C6: variants seen among roughly 807,000 people sequenced by gnomAD.
C6 encodes the protein complement C6.
C6 carries 101 observed loss-of-function variants against 112.9 expected under a neutral mutation model. The ratio of observed to expected loss-of-function variants is 0.89; its 90% CI spans 0.76 to 1.06. C6 has a LOEUF of 1.06. Ranked by LOEUF, C6 falls within the 50% of genes least tolerant of loss-of-function variation. The pLI is 0.00. For missense variants in C6, 1,202 were observed against 1,104.6 expected (o/e 1.09, Z -1.25); for synonymous variants, 431 against 384.1 (o/e 1.12, Z -1.43).
At chr5:41,159,962 A>G (rs186592722) in intron 11 of C6, among the ~76,000 whole-genome samples, 180 bp downstream of exon 11, 54 of 152,280 alleles carry the variant, frequency 3.5e-4, no homozygotes, top group Non-Finnish European at 7.3e-4. Context: ...TAACTTTCCC[A>G]AGCTCACATA....
chr5:41,164,547 G>A (rs77785951), intron 9 of C6, among the ~76,000 whole-genome samples: 2,240 of 152,242 alleles, frequency 0.015, 26 homozygotes, highest in Non-Finnish European at 0.024. Flanking sequence ...CATTCTTCAG[G>A]TTTAGAAACA....
At chr5:41,254,091 T>A (rs1026900644) in intron 1 of C6, among the ~76,000 whole-genome samples, 2 of 152,022 alleles carry the variant, frequency 1.3e-5, no homozygotes, top group Admixed American at 6.6e-5. Context: ...TAGGAAAAAA[T>A]TATTACATAG....
At chr5:41,146,284 C>G (rs1171717379) in intron 17 of C6, among the ~76,000 whole-genome samples, 10 of 151,988 alleles carry the variant, frequency 6.6e-5, no homozygotes, top group African/African-American at 2.4e-4. Context: ...TGAAAGGTGA[C>G]CTTCATATTA....
intron 1 of C6, among the ~76,000 whole-genome samples, chr5:41,225,337 G>A (rs181756581): frequency 6.6e-6 from 1 of 151,366 alleles, no homozygotes; most frequent in Non-Finnish European, 1.5e-5. Context: ...TTGTCCTTGC[G>A]ATAGTTTGCT....
At chr5:41,157,208 A>G (rs1746997625) in intron 13 of C6, among the ~76,000 whole-genome samples, 1 of 152,236 alleles carries the variant, frequency 6.6e-6, no homozygotes, top group Non-Finnish European at 1.5e-5. Context: ...GAATTTATCC[A>G]TGAAAATGGG....
upstream of C6, among the ~76,000 whole-genome samples, chr5:41,215,156 A>G (rs1446199743): frequency 6.6e-6 from 1 of 152,126 alleles, no homozygotes; most frequent in Non-Finnish European, 1.5e-5. Context: ...AACGTTTTAT[A>G]GGAATAAAGT....
At position 41,200,891 on chromosome 5, in the gene C6, G is replaced by GTTTTTTTTT. The variant is rs143443464; in HGVS notation, c.300+658_300+666dup. Among the ~76,000 whole-genome samples, 241 of 70,636 alleles carry GTTTTTTTTT rather than the reference G, an allele frequency of 3.4e-3. 22 individuals are homozygous for GTTTTTTTTT. Among genetic ancestry groups the GTTTTTTTTT allele is most frequent in the African/African-American group, 4.8e-3 (74 of 15,462 alleles). 46.3% of individuals were successfully genotyped at this position (70,636 alleles called of 152,430 possible). A position where few individuals can be genotyped will look rare whatever the true frequency, so the allele number is the denominator to read the frequency against. On this transcript the variant is annotated intron_variant, in intron 3 of 17. Coordinates refer to ENST00000337836, the MANE Select transcript of C6 (RefSeq NM_000065.5). ...TGTTTTTGTTGTTGTTGTTGTTGTT[G>GTTTTTTTTT]TTTTTTTTTTTTTTTTTTTTTTTTT...
chr5:41,172,321 A>G lies in C6; in HGVS notation c.1195T>C (p.Cys399Arg). ...CGTTTCTTTGTTTCAATCCTGACACAGTGTTTGGCTTCTTCCTCGGTTAAA... is the reference window on the plus strand; with the variant it reads ...CGTTTCTTTGTTTCAATCCTGACACGGTGTTTGGCTTCTTCCTCGGTTAAA... ...SGLTEEEAKH[C>R]VRIETKKRVL... Residue 399 changes from cysteine (C) to arginine (R), a missense_variant, in exon 9 of 18, where the codon TGT becomes CGT. Transcript: ENST00000337836. 1 of 1,613,660 alleles carries G rather than the reference A, an allele frequency of 6.2e-7. No homozygotes were observed. The highest frequency in any genetic ancestry group is 1.3e-5 in the African/African-American group (1 of 75,034).
chr5:41,252,347 G>T (rs1561207580), intron 1 of C6, among the ~76,000 whole-genome samples: 1 of 152,120 alleles, frequency 6.6e-6, no homozygotes, highest in Non-Finnish European at 1.5e-5. Context: ...AGAAAAATTA[G>T]TTCAGGCCTT....
intron 8 of C6, among the ~76,000 whole-genome samples, chr5:41,175,044 C>T (rs538369424): frequency 3.9e-5 from 6 of 152,234 alleles, no homozygotes; most frequent in African/African-American, 1.2e-4. Context: ...TTACTGAGAG[C>T]TTGTTTGGAG....
intron 7 of C6, among the ~76,000 whole-genome samples, chr5:41,177,903 G>A (rs1481775503): frequency 1.3e-5 from 2 of 152,128 alleles, no homozygotes; most frequent in South Asian, 2.1e-4. Context: ...CTTGAATTTT[G>A]TCAGAGAACC....
At chr5:41,181,095 A>C (rs902561426) in intron 7 of C6, among the ~76,000 whole-genome samples, 1 of 152,032 alleles carries the variant, frequency 6.6e-6, no homozygotes, top group Non-Finnish European at 1.5e-5. Flanking sequence ...GTTTATAAGA[A>C]GCACACCTAC....
chr5:41,190,901 CAGTT>C (rs1056905681), intron 5 of C6, among the ~76,000 whole-genome samples: 2 of 152,026 alleles, frequency 1.3e-5, no homozygotes, highest in Non-Finnish European at 2.9e-5. Flanking sequence ...TGTCAAAAAT[CAGTT>C]GGTTGTAAAT....
intron 9 of C6, 146 bp from the exon 10 acceptor site, chr5:41,162,005 G>A: frequency 1.4e-6 from 1 of 724,568 alleles, no homozygotes; most frequent in Admixed American, 2.3e-5. Context: ...GAAAAAGCAA[G>A]AGAACACTCC....
intron 2 of C6, 60 bp downstream of exon 2, chr5:41,203,028 G>T (rs1751150950): frequency 6.6e-7 from 1 of 1,525,340 alleles, no homozygotes; most frequent in Non-Finnish European, 9.1e-7. Context: ...TCCTGATGTT[G>T]CTGACTTCAT....
rs1386230778 is a variant in C6 at position 41,199,864 on chromosome 5, A to G, written c.349T>C (p.Cys117Arg). ...TGAAAGGCTACCAGAGGCGCAGTGC[A>G]TGGCTGTCCCCCAAACTGACTGGGA... is the stretch of plus-strand genomic sequence containing the variant. ...LRPSQFGGQP[C>R]TAPLVAFQPC... Residue 117 changes from cysteine to arginine, a missense_variant, in exon 4 of 18, where the codon TGC becomes CGC. Cys to Arg is a radical substitution (Grantham distance 180). Coordinates refer to ENST00000337836, the MANE Select transcript of C6 (RefSeq NM_000065.5). The G allele has an allele frequency of 6.2e-7, 1 of 1,613,702 alleles. No individual in the cohort carries two copies. The highest frequency in any genetic ancestry group is 1.1e-5 in the South Asian group (1 of 91,076).
At chr5:41,158,392 C>A (rs1171518949) in intron 13 of C6, among the ~76,000 whole-genome samples, 1 of 152,122 alleles carries the variant, frequency 6.6e-6, no homozygotes, top group Non-Finnish European at 1.5e-5. Flanking sequence ...ATCTTACTTG[C>A]AAATTCTCAC....
intron 5 of C6, among the ~76,000 whole-genome samples, chr5:41,188,956 A>AAG (rs1217554962): frequency 3.9e-5 from 6 of 152,106 alleles, no homozygotes; most frequent in African/African-American, 1.4e-4. Flanking sequence ...AACCATGAGC[A>AAG]AATAATTTGA....
At chr5:41,218,733 T>C (rs545537652) in intron 1 of C6, among the ~76,000 whole-genome samples, 1 of 152,214 alleles carries the variant, frequency 6.6e-6, no homozygotes, top group African/African-American at 2.4e-5. Context: ...GGAGTGGGAC[T>C]TAGAAATACT....
Sources: allele counts gnomAD v4.1 joint callset (sites outside exome capture counted in the v4.1 genomes callset), GRCh38; gene constraint gnomAD v4.1.1; transcripts MANE v1.5; gene names NCBI Gene and HGNC (gene_info 2026-07-23, HGNC 2026-07-21).